Variants in ZZEF1 observed in about 807,000 individuals in gnomAD.
The protein encoded by ZZEF1 is zinc finger ZZ-type and EF-hand domain containing 1.
Under a neutral mutation model 342.8 loss-of-function variants are expected in ZZEF1, and 157 were observed. The observed-to-expected ratio is 0.46, with a 90% confidence interval of 0.40 to 0.52. The LOEUF is 0.52. Ranked by LOEUF, ZZEF1 falls within the 20% of genes least tolerant of loss-of-function variation. The pLI is 0.00. For missense variants in ZZEF1, 3,480 were observed against 3,725.6 expected, an observed-to-expected ratio of 0.93 and a Z score of 1.72; for synonymous variants, 1,505 against 1,429.1, an observed-to-expected ratio of 1.05 and a Z score of -1.20.
chr17:4,037,157 T>A (rs1401119045), intron 39 of ZZEF1, among the ~76,000 whole-genome samples: 1 of 152,140 alleles, frequency 6.6e-6, no homozygotes, highest in Admixed American at 6.6e-5. Context: ...TATAACTAAC[T>A]AAATAAATAA....
At chr17:4,132,391 C>A (rs2058674359) in intron 1 of ZZEF1, among the ~76,000 whole-genome samples, 1 of 152,022 alleles carries the variant, frequency 6.6e-6, no homozygotes. Flanking sequence ...ACCATGTTGG[C>A]CAGGCTAGTC....
intron 49 of ZZEF1, among the ~76,000 whole-genome samples, chr17:4,015,675 A>G (rs2056081166): frequency 6.6e-6 from 1 of 152,178 alleles, no homozygotes; most frequent in Non-Finnish European, 1.5e-5. Context: ...GAGGCATGAG[A>G]ATCACTTGAA....
Position 4,006,650 on chromosome 17 carries a change from C to G in ZZEF1, c.*240G>C. 1.8e-6 allele frequency: 1 copy of G among 554,140 alleles called. No individual in the cohort carries two copies. Among genetic ancestry groups the G allele is most frequent in the Admixed American group, 3.0e-5 (1 of 33,046 alleles). The allele number at this position is 554,140 out of a possible 1,614,324, so 34.3% of individuals were successfully genotyped here. ...TCTGAACCTTCTTAAGGGCCCCCTG[C>G]CCACCCTTTCTGAGGCATTCTGCAC... On this transcript the variant is annotated 3_prime_UTR_variant, in exon 55 of 55. Transcript: ENST00000381638.
Position 4,005,454 on chromosome 17 carries a change from C to T in ZZEF1, c.*1436G>A. On this transcript the variant is annotated 3_prime_UTR_variant, in exon 55 of 55. Transcript: ENST00000381638. Reference sequence around the variant, plus strand: ...CCCTTAAATCCCACCCTCCACCCGCCCCGGGATGGTTCTACCAGAACTCTG... The same window carrying T: ...CCCTTAAATCCCACCCTCCACCCGCTCCGGGATGGTTCTACCAGAACTCTG... 1 of 152,416 alleles carries T rather than the reference C, an allele frequency of 6.6e-6. No homozygotes were observed. The highest frequency in any genetic ancestry group is 1.9e-4 in the East Asian group (1 of 5,196). 9.4% of individuals were successfully genotyped at this position (152,416 alleles called of 1,614,324 possible). A position where few individuals can be genotyped will look rare whatever the true frequency, so the allele number is the denominator to read the frequency against.
intron 42 of ZZEF1, among the ~76,000 whole-genome samples, chr17:4,027,541 C>T (rs2466948): frequency 0.068 from 10,255 of 150,082 alleles, 1,137 homozygotes; most frequent in African/African-American, 0.23. Context: ...GTGATCAGCC[C>T]GCCTCGGCCT....
chr17:4,042,801 C>A (rs1018047789), intron 38 of ZZEF1, among the ~76,000 whole-genome samples: 1 of 152,228 alleles, frequency 6.6e-6, no homozygotes, highest in Non-Finnish European at 1.5e-5. Context: ...CCTACCTCAG[C>A]CTCCCAAGTA....
intron 6 of ZZEF1, among the ~76,000 whole-genome samples, chr17:4,109,112 C>T (rs1431105622): frequency 6.6e-6 from 1 of 151,958 alleles, no homozygotes; most frequent in Non-Finnish European, 1.5e-5. Flanking sequence ...TAATTTAGTA[C>T]CCTGAAAAGA....
chr17:4,134,352 T>A lies in ZZEF1; in HGVS notation c.354+8190A>T, dbSNP rs372907510. ...AAAATATATATATATTTATATATAT[T>A]TATATATATATATTTATATAATATA... On this transcript the variant is annotated intron_variant, in intron 1 of 54. Transcript: ENST00000381638. 7.2e-3 allele frequency among the ~76,000 whole-genome samples: 1,050 copies of A among 144,950 alleles called. 15 individuals carry two copies. Among genetic ancestry groups the A allele is most frequent in the African/African-American group, 0.025 (992 of 39,574 alleles).
At position 4,013,504 on chromosome 17, in the gene ZZEF1, G is replaced by C; in HGVS notation, c.8524C>G (p.Gln2842Glu). Reference protein sequence around the residue: ...VGVACRQTGHQRLKAIHLLLR... With the variant: ...VGVACRQTGHERLKAIHLLLR... ...AGTAAGTGGATGGCTTTTAATCGTT[G>C]ATGGCCAGTCTGGCGACAGGCCACG... Residue 2842 changes from glutamine (Q) to glutamate (E), a missense_variant, in exon 52 of 55, where the codon CAA becomes GAA. This residue lies in a region of ZZEF1 where 1,269 missense variants were observed against 1,342.4 expected (regional missense o/e 0.95). Transcript: ENST00000381638. The C allele has an allele frequency of 6.2e-7, 1 of 1,613,934 alleles. No individual in the cohort carries two copies. Among genetic ancestry groups the C allele is most frequent in the Non-Finnish European group, 8.5e-7 (1 of 1,179,894 alleles).
intron 1 of ZZEF1, among the ~76,000 whole-genome samples, chr17:4,137,992 T>TG (rs371924591): frequency 0.063 from 8,969 of 141,868 alleles, 878 homozygotes; most frequent in African/African-American, 0.21. Flanking sequence ...CATGCGGGGG[T>TG]AGGGGGAAGA....
intron 9 of ZZEF1, among the ~76,000 whole-genome samples, chr17:4,097,035 G>A (rs2058046256): frequency 6.6e-6 from 1 of 152,022 alleles, no homozygotes; most frequent in Non-Finnish European, 1.5e-5. Context: ...GCCGAGGCGG[G>A]TGGATCACGA....
At chr17:4,010,128 A>G (rs1006310903) in intron 52 of ZZEF1, among the ~76,000 whole-genome samples, 1 of 151,962 alleles carries the variant, frequency 6.6e-6, no homozygotes, top group Admixed American at 6.5e-5. Flanking sequence ...GTTGGAGACC[A>G]ACCTGGGAAA....
At chr17:4,021,028 G>T in intron 45 of ZZEF1, 101 bp downstream of exon 45, 1 of 1,295,944 alleles carries the variant, frequency 7.7e-7, no homozygotes, top group South Asian at 1.5e-5. Flanking sequence ...CAGGACAGCA[G>T]ACAGAAGCAT....
At chr17:4,123,180 A>G (rs1292013687) in intron 2 of ZZEF1, among the ~76,000 whole-genome samples, 1 of 148,132 alleles carries the variant, frequency 6.8e-6, no homozygotes, top group Non-Finnish European at 1.5e-5. Flanking sequence ...TCGGCCTCCC[A>G]AAGTGCTGGG....
At chr17:4,108,503 G>C (rs147784434) in intron 6 of ZZEF1, among the ~76,000 whole-genome samples, 38 of 152,306 alleles carry the variant, frequency 2.5e-4, no homozygotes, top group African/African-American at 6.5e-4. Flanking sequence ...AGAGTGTTTC[G>C]CTGGATCCTT....
intron 5 of ZZEF1, among the ~76,000 whole-genome samples, chr17:4,111,438 T>C (rs1265680730): frequency 6.6e-6 from 1 of 151,956 alleles, no homozygotes; most frequent in Non-Finnish European, 1.5e-5. Flanking sequence ...GGCGGGCGGA[T>C]CATGAGGTCA....
intron 52 of ZZEF1, 74 bp from the exon 53 acceptor site, chr17:4,009,831 A>T: frequency 2.6e-6 from 4 of 1,533,596 alleles, no homozygotes; most frequent in Non-Finnish European, 3.5e-6. Context: ...AGCTGGCAGG[A>T]ACCACAGCTC....
At chr17:4,140,153 G>A (rs185161048) in intron 1 of ZZEF1, among the ~76,000 whole-genome samples, 15 of 152,312 alleles carry the variant, frequency 9.8e-5, no homozygotes, top group Admixed American at 7.8e-4. Flanking sequence ...TGCCTACCTG[G>A]ACATTTTCAT....
Position 4,029,107 on chromosome 17 carries a change from G to A in ZZEF1, c.6892+3019C>T, listed in dbSNP as rs116452032. 7.9e-3 allele frequency among the ~76,000 whole-genome samples: 1,200 copies of A among 152,256 alleles called. 13 individuals are homozygous for A. The highest frequency in any genetic ancestry group is 0.028 in the African/African-American group (1,147 of 41,526). On this transcript the variant is annotated intron_variant, in intron 42 of 54. Transcript: ENST00000381638. ...GAAGACTTGAATAACATTATCCATT[G>A]ACTTGACCTAATTAACATCTATAGG...
Sources: gnomAD v4.1 joint callset for allele counts (sites outside exome capture counted in the v4.1 genomes callset) on GRCh38, gnomAD v4.1.1 for gene constraint, gnomAD v4.1.1 regional missense constraint, MANE v1.5 for transcripts, NCBI Gene and HGNC (gene_info 2026-07-23, HGNC 2026-07-21) for gene names.